The following AFF2 variants were observed in gnomAD, a reference collection of about 807,000 sequenced individuals.
The protein encoded by AFF2 is AF4/FMR2 family member 2.
A neutral mutation model predicts 76.9 loss-of-function variants in AFF2; 14 were observed. The ratio of observed to expected loss-of-function variants is 0.18; its 90% CI spans 0.12 to 0.28. AFF2 has a LOEUF of 0.28. Among genes scored for constraint, AFF2 ranks in the 10% least tolerant of loss-of-function variants. AFF2 has a pLI of 1.00. For missense variants in AFF2, 868 were observed against 1,001.1 expected, an observed-to-expected ratio of 0.87 and a Z score of 1.79; for synonymous variants, 398 against 366.7, an observed-to-expected ratio of 1.09 and a Z score of -0.98.
At chrX:148,873,522 T>G (rs1366304787) in intron 7 of AFF2, among the ~76,000 whole-genome samples, 1 of 107,594 alleles carries the variant, frequency 9.3e-6, no homozygotes, top group East Asian at 2.9e-4. Flanking sequence ...TAGATCCTTA[T>G]CAGATATATG....
At chrX:148,695,418 T>C (rs1288717258) in intron 3 of AFF2, among the ~76,000 whole-genome samples, 1 of 111,956 alleles carries the variant, frequency 8.9e-6, no homozygotes, top group Non-Finnish European at 1.9e-5. Context: ...TGAATAACAA[T>C]ACCATCTGAC....
At chrX:148,608,165 A>G (rs1219300534) in intron 1 of AFF2, among the ~76,000 whole-genome samples, 1 of 111,691 alleles carries the variant, frequency 9.0e-6, no homozygotes, top group Non-Finnish European at 1.9e-5. Context: ...ATGGTCTGGT[A>G]TTGGATTATA....
intron 3 of AFF2, among the ~76,000 whole-genome samples, chrX:148,696,091 T>C (rs1445209877): frequency 2.7e-5 from 3 of 112,249 alleles, no homozygotes; most frequent in Non-Finnish European, 5.6e-5. Context: ...TTATCAGTGT[T>C]GCATAATGTT....
In AFF2 at chrX:148,802,619, C is replaced by T. The variant is rs1268731706; in HGVS notation, c.1042-7257C>T. ...ATAGGCTGTTTAGGCTGCAGGCTGG[C>T]GAGTGAAGAAGTGAATTGTCCCAAA... On this transcript the variant is annotated intron_variant, in intron 3 of 20. Coordinates refer to ENST00000370460, the MANE Select transcript of AFF2 (RefSeq NM_002025.4). Among the ~76,000 whole-genome samples, 5 of 111,699 alleles carry T rather than the reference C, an allele frequency of 4.5e-5. No homozygotes were observed. In the East Asian group the frequency reaches 8.4e-4, roughly 19 times the overall value.
At chrX:148,516,449 A>G (rs1276023220) in intron 1 of AFF2, among the ~76,000 whole-genome samples, 1 of 111,766 alleles carries the variant, frequency 8.9e-6, no homozygotes, top group African/African-American at 3.3e-5. Context: ...TCCAGGAGGA[A>G]TCAAATAACT....
chrX:148,984,113 G>A lies in AFF2; in HGVS notation c.3624-3254G>A, dbSNP rs150320270. Among the ~76,000 whole-genome samples the A allele has an allele frequency of 8.9e-3, 980 of 110,183 alleles. 5 individuals carry two copies. The highest frequency in any genetic ancestry group is 0.015 in the Non-Finnish European group (805 of 52,706). On this transcript the variant is annotated intron_variant, in intron 19 of 20. Coordinates refer to ENST00000370460, the MANE Select transcript of AFF2 (RefSeq NM_002025.4). ...GCTGAGGATAGGGGAGGGAGCAGTGGTACCATGCTGAATCTTGAGTAGGGA... is the reference window on the plus strand; with the variant it reads ...GCTGAGGATAGGGGAGGGAGCAGTGATACCATGCTGAATCTTGAGTAGGGA...
At chrX:148,894,724 C>T (rs1460714664) in intron 8 of AFF2, among the ~76,000 whole-genome samples, 2 of 110,984 alleles carry the variant, frequency 1.8e-5, no homozygotes, top group African/African-American at 6.6e-5. Flanking sequence ...AATAGAACTA[C>T]TATATGACCC....
chrX:148,968,474 G>C (rs141278622), intron 15 of AFF2, among the ~76,000 whole-genome samples: 1,555 of 111,888 alleles, frequency 0.014, 19 homozygotes, highest in African/African-American at 0.047. Flanking sequence ...AGATATTTGA[G>C]AACGACTGTC....
chrX:148,784,982 C>T (rs781826820), intron 3 of AFF2, among the ~76,000 whole-genome samples: 4 of 111,405 alleles, frequency 3.6e-5, no homozygotes, highest in Non-Finnish European at 5.7e-5. Context: ...ACTTGGGAGC[C>T]GCATATACAT....
chrX:148,945,138 A>G (rs782416161), intron 9 of AFF2, among the ~76,000 whole-genome samples: 231 of 111,431 alleles, frequency 2.1e-3, no homozygotes, highest in African/African-American at 7.2e-3. Context: ...GGGCAGTGGC[A>G]AGCCACCTTT....
chrX:148,736,625 T>A (rs1429659994), intron 3 of AFF2, among the ~76,000 whole-genome samples: 2 of 111,806 alleles, frequency 1.8e-5, no homozygotes, highest in African/African-American at 6.5e-5. Context: ...TTTAATTAGG[T>A]CCCAGCTATT....
chrX:148,809,774 A>T, intron 3 of AFF2, 102 bp from the exon 4 acceptor site: 3 of 829,305 alleles, frequency 3.6e-6, no homozygotes, highest in Non-Finnish European at 5.1e-6. Flanking sequence ...GAAAAAAATG[A>T]TAGCTAGATT....
intron 1 of AFF2, among the ~76,000 whole-genome samples, chrX:148,614,725 CTT>C (rs1182978699): frequency 2.9e-5 from 2 of 68,337 alleles, no homozygotes; most frequent in Non-Finnish European, 5.5e-5. Flanking sequence ...TTCTTTCTTT[CTT>C]TCTTTCCTTC....
intron 1 of AFF2, among the ~76,000 whole-genome samples, chrX:148,548,274 G>A (rs185488751): frequency 9.0e-6 from 1 of 111,039 alleles, no homozygotes; most frequent in African/African-American, 3.3e-5. Context: ...CTTTGTGGTG[G>A]GCATATTGGC....
At chrX:148,568,440 A>G (rs1263117337) in intron 1 of AFF2, among the ~76,000 whole-genome samples, 4 of 112,162 alleles carry the variant, frequency 3.6e-5, no homozygotes, top group African/African-American at 1.3e-4. Context: ...AAGACTTACA[A>G]TCAAATTCCA....
intron 10 of AFF2, 96 bp downstream of exon 10, chrX:148,953,835 ACTTTCAG>A: frequency 2.9e-6 from 2 of 687,701 alleles, no homozygotes; most frequent in African/African-American, 2.2e-5. Flanking sequence ...ACACACACAC[ACTTTCAG>A]CACAATAATT....
intron 3 of AFF2, among the ~76,000 whole-genome samples, chrX:148,670,118 G>A (rs1003018169): frequency 8.9e-6 from 1 of 111,816 alleles, no homozygotes; most frequent in Non-Finnish European, 1.9e-5. Context: ...GCTAAATGAA[G>A]TTGTCTCCAA....
rs1311680286 is a variant in AFF2 at position 148,589,179 on chromosome X, G to GC, written c.48-62818dup. Among the ~76,000 whole-genome samples the GC allele has an allele frequency of 2.7e-5, 3 of 111,049 alleles. No individual in the cohort carries two copies. In the Admixed American group the frequency reaches 2.9e-4, roughly 11 times the overall value. On this transcript the variant is annotated intron_variant, in intron 1 of 20. Transcript: ENST00000370460. ...GCTGATGTGACTTTTTAAATTTGTT[G>GC]CCACTGATGCCACGGACGTTAATTC...
At chrX:148,930,698 G>A (rs2071702002) in intron 9 of AFF2, among the ~76,000 whole-genome samples, 1 of 112,130 alleles carries the variant, frequency 8.9e-6, no homozygotes, top group South Asian at 3.7e-4. Context: ...ACTCTTTGAG[G>A]CCTCTGGCTA....
Sources: gnomAD v4.1 joint callset for allele counts (sites outside exome capture counted in the v4.1 genomes callset) on GRCh38, gnomAD v4.1.1 for gene constraint, MANE v1.5 for transcripts, NCBI Gene and HGNC (gene_info 2026-07-23, HGNC 2026-07-21) for gene names.